ZBTB20: variants seen among roughly 807,000 people sequenced by gnomAD.
The protein encoded by ZBTB20 is zinc finger and BTB domain-containing protein 20.
In ZBTB20, 9 loss-of-function variants were observed where a neutral mutation model predicts 56.9. That is an observed-to-expected ratio of 0.16 (90% CI 0.10 to 0.28). ZBTB20 has a LOEUF of 0.28. ZBTB20 is among the 10% of genes least tolerant of loss of function. The probability of loss-of-function intolerance (pLI) is 1.00; values close to 1 mark genes in which losing one functional copy is unlikely to be tolerated. For synonymous variants in ZBTB20, 417 were observed against 420.7 expected, an observed-to-expected ratio of 0.99 and a Z score of 0.11; for missense variants, 655 against 1,003.0, an observed-to-expected ratio of 0.65 and a Z score of 4.69.
chr3:114,840,395 A>G (rs757106373), intron 4 of ZBTB20, among the ~76,000 whole-genome samples: 11 of 152,250 alleles, frequency 7.2e-5, no homozygotes, highest in Non-Finnish European at 1.5e-4. Context: ...AACTAGTTGT[A>G]CAATACCAAA....
At chr3:115,137,441 C>G (rs1055785494) in intron 1 of ZBTB20, among the ~76,000 whole-genome samples, 1 of 151,956 alleles carries the variant, frequency 6.6e-6, no homozygotes, top group African/African-American at 2.4e-5. Context: ...GCTGACTATA[C>G]TAAATATAAT....
intron 1 of ZBTB20, among the ~76,000 whole-genome samples, chr3:115,133,706 C>T (rs1395589437): frequency 2.0e-5 from 3 of 152,076 alleles, no homozygotes; most frequent in Non-Finnish European, 4.4e-5. Flanking sequence ...TGTATCAGTA[C>T]TTCATTATTT....
At chr3:114,346,683 AT>A (rs34177643) in intron 11 of ZBTB20, among the ~76,000 whole-genome samples, 19,614 of 136,824 alleles carry the variant, frequency 0.14, 1,414 homozygotes, top group Non-Finnish European at 0.18. Flanking sequence ...TCTCAAACAG[AT>A]TTTTTTTTTT....
In ZBTB20 at chr3:114,338,748, G is replaced by T; in HGVS notation, c.*257C>A. The T allele has an allele frequency of 3.0e-6, 1 of 330,518 alleles. No homozygotes were observed. Among genetic ancestry groups the T allele is most frequent in the Non-Finnish European group, 5.5e-6 (1 of 183,476 alleles). 20.5% of individuals were successfully genotyped at this position (330,518 alleles called of 1,614,324 possible). On this transcript the variant is annotated 3_prime_UTR_variant, in exon 12 of 12. Coordinates refer to ENST00000675478, the MANE Select transcript of ZBTB20 (RefSeq NM_001348800.3). ...TAGAGATCCAACCAGTGGACCTCTT[G>T]AAGCACTACCAGGCCTTAAGGCCAC...
chr3:114,784,866 T>C (rs1427740947), intron 5 of ZBTB20, among the ~76,000 whole-genome samples: 4 of 152,214 alleles, frequency 2.6e-5, no homozygotes, highest in Admixed American at 1.3e-4. Flanking sequence ...TGACACTAAT[T>C]ATAACAATAG....
chr3:114,711,629 G>C (rs1401641709), intron 5 of ZBTB20, among the ~76,000 whole-genome samples: 2 of 152,158 alleles, frequency 1.3e-5, no homozygotes, highest in Non-Finnish European at 2.9e-5. Flanking sequence ...CAGCCCAACT[G>C]GTCCTGGTAA....
chr3:114,394,291 T>C lies in ZBTB20; in HGVS notation c.-254-5186A>G, dbSNP rs2086149854. 2.6e-5 allele frequency among the ~76,000 whole-genome samples: 4 copies of C among 152,324 alleles called. No individual in the cohort carries two copies. The South Asian group carries it at 8.3e-4, about 32-fold the overall frequency. ...CGAAGTTTAGAAAGCTACTGGATAG[T>C]GAGGCCAGAATCCAAACCCAGATCT... On this transcript the variant is annotated intron_variant, in intron 7 of 11. Transcript: ENST00000675478.
At chr3:114,694,098 T>C (rs1474017663) in intron 5 of ZBTB20, among the ~76,000 whole-genome samples, 2 of 152,006 alleles carry the variant, frequency 1.3e-5, no homozygotes, top group Non-Finnish European at 2.9e-5. Context: ...GTTTCATGAG[T>C]TGTGAGTTAT....
intron 7 of ZBTB20, among the ~76,000 whole-genome samples, chr3:114,459,752 A>C (rs935747598): frequency 3.3e-5 from 5 of 152,104 alleles, no homozygotes; most frequent in African/African-American, 7.2e-5. Flanking sequence ...TATAGTATTT[A>C]AGAATTAGCT....
intron 5 of ZBTB20, among the ~76,000 whole-genome samples, chr3:114,791,458 C>T (rs1472272947): frequency 6.6e-6 from 1 of 152,148 alleles, no homozygotes; most frequent in East Asian, 1.9e-4. Flanking sequence ...AGAGTCTAGT[C>T]AGGCCCCTCA....
At chr3:114,573,992 C>CT (rs1472179498) in intron 6 of ZBTB20, among the ~76,000 whole-genome samples, 2 of 151,972 alleles carry the variant, frequency 1.3e-5, no homozygotes, top group Non-Finnish European at 1.5e-5. Flanking sequence ...TTATCGAATA[C>CT]TTTCATTTTT....
At chr3:114,922,995 A>G (rs2076017077) in intron 3 of ZBTB20, among the ~76,000 whole-genome samples, 1 of 152,248 alleles carries the variant, frequency 6.6e-6, no homozygotes, top group Admixed American at 6.5e-5. Context: ...ATCAAATACA[A>G]TAACATACTA....
intron 7 of ZBTB20, among the ~76,000 whole-genome samples, chr3:114,464,122 A>T (rs1176731330): frequency 1.3e-5 from 2 of 152,190 alleles, no homozygotes; most frequent in African/African-American, 4.8e-5. Context: ...ACAGTGGTTT[A>T]CAAGTAGCAT....
chr3:115,074,455 C>T (rs1442958334), intron 1 of ZBTB20, among the ~76,000 whole-genome samples: 3 of 151,854 alleles, frequency 2.0e-5, no homozygotes, highest in African/African-American at 7.3e-5. Context: ...TTAGTTAGTA[C>T]AAAAAAGGTA....
At chr3:114,972,747 T>C (rs2077937993) in intron 3 of ZBTB20, among the ~76,000 whole-genome samples, 1 of 152,164 alleles carries the variant, frequency 6.6e-6, no homozygotes, top group Non-Finnish European at 1.5e-5. Context: ...ATTTTAAATA[T>C]AAACCTGAAA....
At chr3:115,081,791 G>C (rs940701219) in intron 1 of ZBTB20, among the ~76,000 whole-genome samples, 2 of 151,976 alleles carry the variant, frequency 1.3e-5, no homozygotes, top group Non-Finnish European at 2.9e-5. Flanking sequence ...AATTTGTAAA[G>C]ATTATATTTA....
intron 2 of ZBTB20, among the ~76,000 whole-genome samples, chr3:114,997,554 T>C (rs1290255539): frequency 6.6e-6 from 1 of 151,622 alleles, no homozygotes; most frequent in African/African-American, 2.4e-5. Flanking sequence ...GAGTTTTCTT[T>C]TTCTTTTCTT....
chr3:115,110,179 T>C (rs1391439336), intron 1 of ZBTB20, among the ~76,000 whole-genome samples: 1 of 150,410 alleles, frequency 6.6e-6, no homozygotes. Flanking sequence ...GCCACTGCAC[T>C]CCAGCCTGGG....
chr3:114,838,325 C>T lies in ZBTB20; in HGVS notation c.-416-37151G>A, dbSNP rs901829305. Reference sequence around the variant, plus strand: ...TTTAAGAACCACTTTCAATTGTTTCCTAATTATATTAGCTTAAATATGAGA... The same window carrying T: ...TTTAAGAACCACTTTCAATTGTTTCTTAATTATATTAGCTTAAATATGAGA... On this transcript the variant is annotated intron_variant, in intron 4 of 11. Coordinates refer to ENST00000675478, the MANE Select transcript of ZBTB20 (RefSeq NM_001348800.3). Among the ~76,000 whole-genome samples the T allele has an allele frequency of 2.1e-4, 32 of 152,192 alleles. 1 individual carries two copies. Among genetic ancestry groups the T allele is most frequent in the African/African-American group, 7.5e-4 (31 of 41,536 alleles).
Sources: allele counts gnomAD v4.1 joint callset (sites outside exome capture counted in the v4.1 genomes callset), GRCh38; gene constraint gnomAD v4.1.1; transcripts MANE v1.5; gene names NCBI Gene and HGNC (gene_info 2026-07-23, HGNC 2026-07-21).